PCCA: variants seen among roughly 807,000 people sequenced by gnomAD.
The protein encoded by PCCA is propionyl-CoA carboxylase alpha chain, mitochondrial.
Under a neutral mutation model 101.3 loss-of-function variants are expected in PCCA, and 74 were observed. That is an observed-to-expected ratio of 0.73 (90% CI 0.61 to 0.89). PCCA has a LOEUF of 0.89. PCCA is among the 40% of genes least tolerant of loss of function. The pLI is 0.00. For missense variants in PCCA, 891 were observed against 907.0 expected (o/e 0.98, Z 0.23); for synonymous variants, 294 against 313.6 (o/e 0.94, Z 0.66).
chr13:100,330,361 A>G (rs745545923), intron 16 of PCCA, among the ~76,000 whole-genome samples, 200 bp from the exon 17 acceptor site: 1 of 152,174 alleles, frequency 6.6e-6, no homozygotes, highest in Non-Finnish European at 1.5e-5. Context: ...GGCAATACCA[A>G]GCTTCTTAAA....
intron 8 of PCCA, among the ~76,000 whole-genome samples, chr13:100,245,828 A>T (rs2061396610): frequency 6.6e-6 from 1 of 152,186 alleles, no homozygotes; most frequent in Admixed American, 6.5e-5. Context: ...ACAGCTTTTG[A>T]AATGTACTCC....
In PCCA at chr13:100,344,600, G is replaced by A. The variant is rs560129104; in HGVS notation, c.1643+4341G>A. 7.9e-5 allele frequency among the ~76,000 whole-genome samples: 12 copies of A among 152,258 alleles called. No homozygotes were observed. In the South Asian group the frequency reaches 2.5e-3, roughly 32 times the overall value. On this transcript the variant is annotated intron_variant, in intron 18 of 23. Transcript: ENST00000376285. ...TTCCTTAATGTGTGCTCCATAGAGCGCTAGTTTGGGGGAGTATTAAAATGC... is the reference window on the plus strand; with the variant it reads ...TTCCTTAATGTGTGCTCCATAGAGCACTAGTTTGGGGGAGTATTAAAATGC...
Position 100,165,883 on chromosome 13 carries a change from C to CA in PCCA, c.468+8550dup, listed in dbSNP as rs1025617232. Among the ~76,000 whole-genome samples, 11 of 151,672 alleles carry CA rather than the reference C, an allele frequency of 7.3e-5. No homozygotes were observed. In the East Asian group the frequency reaches 1.9e-3, roughly 27 times the overall value. ...TGGGTGACAGAGCAAGACCCTGTCT[C>CA]AAAAAAATAAATAAGTAAATAAGTA... On this transcript the variant is annotated intron_variant, in intron 6 of 23. Coordinates refer to ENST00000376285, the MANE Select transcript of PCCA (RefSeq NM_000282.4).
At chr13:100,495,985 C>T (rs1469243702) in intron 21 of PCCA, among the ~76,000 whole-genome samples, 2 of 151,996 alleles carry the variant, frequency 1.3e-5, no homozygotes, top group Non-Finnish European at 2.9e-5. Context: ...CTCTCTCTCT[C>T]TTCCCACCTC....
At chr13:100,378,553 G>T (rs986732433) in intron 19 of PCCA, among the ~76,000 whole-genome samples, 17 of 152,046 alleles carry the variant, frequency 1.1e-4, no homozygotes, top group African/African-American at 4.1e-4. Flanking sequence ...TGCCTTTTGG[G>T]ATACTGATAA....
intron 6 of PCCA, among the ~76,000 whole-genome samples, chr13:100,177,431 G>T (rs151115624): frequency 1.2e-4 from 19 of 152,176 alleles, no homozygotes; most frequent in African/African-American, 4.6e-4. Flanking sequence ...ATAAGACTTG[G>T]TCTATTAGAC....
chr13:100,456,654 CTG>C (rs10540542), intron 21 of PCCA, among the ~76,000 whole-genome samples: 56,142 of 151,892 alleles, frequency 0.37, 12,136 homozygotes, highest in African/African-American at 0.61. Context: ...GTAGCCGAAG[CTG>C]AGAGAGAGAA....
chr13:100,419,265 A>G (rs2078585813), intron 19 of PCCA, among the ~76,000 whole-genome samples: 1 of 152,130 alleles, frequency 6.6e-6, no homozygotes, highest in African/African-American at 2.4e-5. Context: ...TGAGGTCAGA[A>G]GTTCGAGACC....
At chr13:100,217,932 T>G (rs1409886917) in intron 7 of PCCA, among the ~76,000 whole-genome samples, 1 of 138,570 alleles carries the variant, frequency 7.2e-6, no homozygotes, top group Non-Finnish European at 1.6e-5. Flanking sequence ...AAAAATAAGC[T>G]GGGCGTGGTG....
chr13:100,203,941 G>A (rs1416528417), intron 6 of PCCA, among the ~76,000 whole-genome samples: 1 of 152,086 alleles, frequency 6.6e-6, no homozygotes, highest in Non-Finnish European at 1.5e-5. Flanking sequence ...TATATTCAGT[G>A]GGTGCTCCTT....
intron 12 of PCCA, among the ~76,000 whole-genome samples, chr13:100,287,539 A>G (rs1005100785): frequency 7.2e-5 from 11 of 152,134 alleles, no homozygotes; most frequent in Middle Eastern, 3.2e-3. Flanking sequence ...TCATATTTCA[A>G]TCTGAAAGAG....
intron 1 of PCCA, among the ~76,000 whole-genome samples, chr13:100,101,122 C>T (rs1247360039): frequency 2.6e-5 from 4 of 152,120 alleles, no homozygotes; most frequent in Non-Finnish European, 2.9e-5. Context: ...CTTCTAGTTA[C>T]TGGGTAACCG....
At chr13:100,461,561 T>G (rs537314474) in intron 21 of PCCA, among the ~76,000 whole-genome samples, 1 of 152,356 alleles carries the variant, frequency 6.6e-6, no homozygotes, top group East Asian at 1.9e-4. Context: ...CCGTATCTCA[T>G]AATTCCATAA....
intron 4 of PCCA, among the ~76,000 whole-genome samples, chr13:100,121,285 G>A (rs1218600519): frequency 2.0e-5 from 3 of 149,934 alleles, no homozygotes; most frequent in South Asian, 2.1e-4. Flanking sequence ...AGCCTCCTGC[G>A]TAGCTGGGGT....
intron 6 of PCCA, among the ~76,000 whole-genome samples, chr13:100,169,598 G>C (rs914944900): frequency 6.6e-6 from 1 of 151,868 alleles, no homozygotes; most frequent in African/African-American, 2.4e-5. Flanking sequence ...CACGATCTTG[G>C]CTCACTGCAA....
rs926787875 is a variant in PCCA at position 100,452,879 on chromosome 13, C to G, written c.1899+3574C>G. 4.6e-5 allele frequency among the ~76,000 whole-genome samples: 7 copies of G among 152,026 alleles called. No homozygotes were observed. In the East Asian group the frequency reaches 7.7e-4, roughly 17 times the overall value. ...TGACTGAAATTGGCCAATGTAGGAC[C>G]TGAGTGTTAGACTTGAAAAGAAAAC... On this transcript the variant is annotated intron_variant, in intron 21 of 23. Transcript: ENST00000376285.
chr13:100,464,156 T>A (rs2082350115), intron 21 of PCCA, among the ~76,000 whole-genome samples: 1 of 152,144 alleles, frequency 6.6e-6, no homozygotes, highest in Admixed American at 6.5e-5. Flanking sequence ...TTAAAATATT[T>A]GAGATTACAA....
chr13:100,166,309 C>CTGTTT (rs543918385), intron 6 of PCCA, among the ~76,000 whole-genome samples: 43 of 152,100 alleles, frequency 2.8e-4, no homozygotes, highest in South Asian at 1.0e-3. Context: ...ACTTCATTCC[C>CTGTTT]TGTTTTGTTT....
intron 20 of PCCA, among the ~76,000 whole-genome samples, chr13:100,437,588 G>A (rs1595896932): frequency 6.6e-6 from 1 of 150,698 alleles, no homozygotes; most frequent in Non-Finnish European, 1.5e-5. Context: ...GTAGTCAGTT[G>A]GTAATGACGT....
Sources: allele counts gnomAD v4.1 joint callset (sites outside exome capture counted in the v4.1 genomes callset), GRCh38; gene constraint gnomAD v4.1.1; transcripts MANE v1.5; gene names NCBI Gene and HGNC (gene_info 2026-07-23, HGNC 2026-07-21).